SRGAP1: variants seen among roughly 807,000 people sequenced by gnomAD.
SRGAP1 encodes the protein SLIT-ROBO Rho GTPase activating protein 1.
In SRGAP1, 43 loss-of-function variants were observed where a neutral mutation model predicts 121.9. That is an observed-to-expected ratio of 0.35 (90% CI 0.28 to 0.46). The LOEUF is 0.46. Ranked by LOEUF, SRGAP1 falls within the 20% of genes least tolerant of loss-of-function variation. SRGAP1 has a pLI of 1.00. For missense variants in SRGAP1, 1,102 were observed against 1,350.9 expected (o/e 0.82, Z 2.89); for synonymous variants, 447 against 485.4 (o/e 0.92, Z 1.04).
intron 15 of SRGAP1, among the ~76,000 whole-genome samples, chr12:64,104,669 C>T (rs17100093): frequency 0.094 from 14,248 of 152,200 alleles, 1,583 homozygotes; most frequent in African/African-American, 0.27. Flanking sequence ...GAGTCCTGCT[C>T]GCAGCCATCA....
At chr12:63,908,701 TTTG>T (rs1198917607) in intron 1 of SRGAP1, among the ~76,000 whole-genome samples, 1 of 152,122 alleles carries the variant, frequency 6.6e-6, no homozygotes, top group Admixed American at 6.5e-5. Context: ...TTAAACTTCT[TTTG>T]TTAAAGTTTT....
At chr12:63,974,839 G>T (rs1459825483) in intron 1 of SRGAP1, among the ~76,000 whole-genome samples, 1 of 152,062 alleles carries the variant, frequency 6.6e-6, no homozygotes, top group Non-Finnish European at 1.5e-5. Flanking sequence ...CTGGACTAGG[G>T]TATCAAGAAT....
At chr12:63,854,636 C>G (rs1039864896) in intron 1 of SRGAP1, among the ~76,000 whole-genome samples, 1 of 152,018 alleles carries the variant, frequency 6.6e-6, no homozygotes, top group Non-Finnish European at 1.5e-5. Context: ...CAATTTTATA[C>G]TCAATATTAT....
chr12:63,887,589 A>C (rs1900431631), intron 1 of SRGAP1: 1 of 152,206 alleles, frequency 6.6e-6, no homozygotes, highest in Non-Finnish European at 1.5e-5. Context: ...TGCCACTTGG[A>C]ACATCAGGTG....
rs983749437 is a variant in SRGAP1, at chr12:64,150,522, T to C, written c.*7850T>C. The C allele has an allele frequency of 6.6e-6, 1 of 152,138 alleles. No individual in the cohort carries two copies. Among genetic ancestry groups the C allele is most frequent in the Non-Finnish European group, 1.5e-5 (1 of 68,018 alleles). 9.4% of individuals were successfully genotyped at this position (152,138 alleles called of 1,614,324 possible). On this transcript the variant is annotated 3_prime_UTR_variant, in exon 22 of 22. Transcript: ENST00000355086. ...TGTCCCTCTAAATGCAAGTGGATGA[T>C]TGTGCCAATAAGCCAGGAGAGAAGG...
At position 63,897,955 on chromosome 12, in the gene SRGAP1, CACTGAGA is replaced by C. The variant is rs552368031; in HGVS notation, c.67+53074_67+53080del. 9.8e-5 allele frequency among the ~76,000 whole-genome samples: 15 copies of C among 152,294 alleles called. 1 individual carries two copies. The South Asian group carries it at 3.1e-3, about 32-fold the overall frequency. ...CACCTGAAGCTGAATCTATTTCAAA[CACTGAGA>C]ATAAGAAAGCTTTGGGTACATGGAG... On this transcript the variant is annotated intron_variant, in intron 1 of 21. Transcript: ENST00000355086.
chr12:63,996,207 G>A (rs2033699426), intron 3 of SRGAP1, among the ~76,000 whole-genome samples: 1 of 151,522 alleles, frequency 6.6e-6, no homozygotes, highest in Non-Finnish European at 1.5e-5. Context: ...TAAATTTTAG[G>A]CTCTATCTTT....
At chr12:64,036,965 G>A (rs566238972) in intron 4 of SRGAP1, among the ~76,000 whole-genome samples, 13 of 152,286 alleles carry the variant, frequency 8.5e-5, no homozygotes, top group Non-Finnish European at 1.3e-4. Flanking sequence ...AGAGATCTGT[G>A]ACATATAGCT....
intron 3 of SRGAP1, among the ~76,000 whole-genome samples, chr12:64,006,793 A>T (rs2034098447): frequency 6.6e-6 from 1 of 152,158 alleles, no homozygotes; most frequent in Admixed American, 6.5e-5. Context: ...AAGAATTATC[A>T]TTGGTGCAGA....
chr12:63,971,244 G>A (rs1302879653), intron 1 of SRGAP1, among the ~76,000 whole-genome samples: 1 of 151,960 alleles, frequency 6.6e-6, no homozygotes, highest in Non-Finnish European at 1.5e-5. Context: ...TCCATGATAG[G>A]GCTTATTACC....
At chr12:64,087,382 C>T (rs2035966195) in intron 11 of SRGAP1, among the ~76,000 whole-genome samples, 1 of 152,136 alleles carries the variant, frequency 6.6e-6, no homozygotes, top group South Asian at 2.1e-4. Context: ...TGTACATCTA[C>T]TGCATAAGTA....
At chr12:63,948,475 G>A (rs1343236842) in intron 1 of SRGAP1, among the ~76,000 whole-genome samples, 1 of 152,156 alleles carries the variant, frequency 6.6e-6, no homozygotes, top group Non-Finnish European at 1.5e-5. Context: ...AGTCATCTCT[G>A]TCTTGGGATA....
chr12:63,884,761 G>A (rs955419097), intron 1 of SRGAP1, among the ~76,000 whole-genome samples: 9 of 133,442 alleles, frequency 6.7e-5, no homozygotes, highest in African/African-American at 1.7e-4. Context: ...TTGCTCTGTC[G>A]CCCAGGCTGG....
intron 1 of SRGAP1, among the ~76,000 whole-genome samples, chr12:63,981,058 A>G (rs2033232609): frequency 6.6e-6 from 1 of 152,170 alleles, no homozygotes; most frequent in African/African-American, 2.4e-5. Context: ...GATGCTCTGG[A>G]TTCTGTTCCT....
intron 10 of SRGAP1, among the ~76,000 whole-genome samples, chr12:64,085,548 C>G (rs2035922109): frequency 6.6e-6 from 1 of 152,120 alleles, no homozygotes; most frequent in Non-Finnish European, 1.5e-5. Context: ...CCTGTCTTTT[C>G]TCTGTGCTCT....
At chr12:63,892,406 C>G (rs1182135181) in intron 1 of SRGAP1, among the ~76,000 whole-genome samples, 1 of 152,142 alleles carries the variant, frequency 6.6e-6, no homozygotes, top group African/African-American at 2.4e-5. Context: ...TAAAAATATT[C>G]TAGACAAATG....
chr12:63,953,853 T>C (rs2032374237), intron 1 of SRGAP1, among the ~76,000 whole-genome samples: 1 of 152,228 alleles, frequency 6.6e-6, no homozygotes, highest in African/African-American at 2.4e-5. Flanking sequence ...GGTGCTGTTG[T>C]TAACAGTGGA....
At chr12:63,906,474 C>T (rs999949569) in intron 1 of SRGAP1, among the ~76,000 whole-genome samples, 11 of 151,784 alleles carry the variant, frequency 7.2e-5, no homozygotes, top group Non-Finnish European at 1.3e-4. Flanking sequence ...CCACCACGCC[C>T]GGCTAATTTT....
chr12:63,915,988 C>T (rs527932109), intron 1 of SRGAP1, among the ~76,000 whole-genome samples: 1 of 150,274 alleles, frequency 6.7e-6, no homozygotes, highest in South Asian at 2.1e-4. Flanking sequence ...AATTCTAGGG[C>T]TTGGAAGCAA....
Sources: allele counts gnomAD v4.1 joint callset (sites outside exome capture counted in the v4.1 genomes callset), GRCh38; gene constraint gnomAD v4.1.1; transcripts MANE v1.5; gene names NCBI Gene and HGNC (gene_info 2026-07-23, HGNC 2026-07-21).